The following BTD variants were observed in gnomAD, a reference collection of about 807,000 sequenced individuals.
BTD encodes biotinidase.
In BTD, 13 loss-of-function variants were observed where a neutral mutation model predicts 17.7. The observed-to-expected ratio is 0.74, with a 90% CI of 0.48 to 1.17. The LOEUF (loss-of-function observed/expected upper bound fraction) is 1.17. Ranked by LOEUF, BTD falls within the 50% of genes most tolerant of loss-of-function variation. The pLI, the probability that BTD is intolerant of heterozygous loss-of-function variation, is 0.00. For synonymous variants in BTD, 240 were observed against 245.2 expected (o/e 0.98, Z 0.20); for missense variants, 674 against 650.4 (o/e 1.04, Z -0.39).
At chr3:15,721,852 C>A (rs949297252) in exon 5 of BTD, among the ~76,000 whole-genome samples, 10 of 152,126 alleles carry the variant, frequency 6.6e-5, no homozygotes, top group Admixed American at 1.3e-4. Context: ...TCAAGTGATT[C>A]TCCTGCCTCA....
chr3:15,645,835 G>GT lies in BTD; in HGVS notation c.*347_*348insT, dbSNP rs2065681449. The GT allele has an allele frequency of 3.0e-5, 6 of 197,300 alleles. No individual in the cohort carries two copies. The highest frequency in any genetic ancestry group is 1.2e-4 in the South Asian group (1 of 8,340). 12.2% of individuals were successfully genotyped at this position (197,300 alleles called of 1,614,324 possible). On this transcript the variant is annotated 3_prime_UTR_variant, in exon 4 of 4. Coordinates refer to ENST00000643237, the MANE Select transcript of BTD (RefSeq NM_001370658.1). ...ACACATCCACAAAGCAGTGGCTTGG[G>GT]GTTTTTTTTTTTTTTTTTATCTTGT...
At chr3:15,677,925 G>C (rs911132016) in intron 3 of BTD, among the ~76,000 whole-genome samples, 2 of 152,002 alleles carry the variant, frequency 1.3e-5, no homozygotes, top group Non-Finnish European at 2.9e-5. Flanking sequence ...TGAGGCATAA[G>C]GTCATTTAGC....
At chr3:15,661,279 A>G (rs1330086107) in intron 3 of BTD, among the ~76,000 whole-genome samples, 1 of 148,578 alleles carries the variant, frequency 6.7e-6, no homozygotes, top group African/African-American at 2.5e-5. Flanking sequence ...AAAAAAAAAA[A>G]AAAAAAAAAA....
chr3:15,641,487 C>T (rs192532106), intron 2 of BTD, among the ~76,000 whole-genome samples: 3 of 152,214 alleles, frequency 2.0e-5, no homozygotes, highest in African/African-American at 7.2e-5. Flanking sequence ...AAGTTGACAA[C>T]CACCAGACTG....
chr3:15,695,140 G>A lies in BTD; in HGVS notation c.400-14920G>A, dbSNP rs573027270. ...AAACAGATAAACATAACTGGTAGGA[G>A]GGAACTGACCAATACTAATTGGTGG... On this transcript the variant is annotated intron_variant, in intron 3 of 3. Transcript: ENST00000672141. 8.0e-5 allele frequency: 116 copies of A among 1,453,898 alleles called. 2 individuals are homozygous for A. In the South Asian group the frequency reaches 1.3e-3, roughly 17 times the overall value. 90.1% of individuals were successfully genotyped at this position (1,453,898 alleles called of 1,614,324 possible).
intron 3 of BTD, chr3:15,675,823 A>G: frequency 8.0e-7 from 1 of 1,252,366 alleles, no homozygotes; most frequent in Non-Finnish European, 1.1e-6. Flanking sequence ...AAAATATCCA[A>G]GTTTATTTCT....
chr3:15,603,507 A>C (rs1559573227), intron 1 of BTD, among the ~76,000 whole-genome samples: 1 of 152,024 alleles, frequency 6.6e-6, no homozygotes, highest in Non-Finnish European at 1.5e-5. Context: ...AATACAAAAA[A>C]TTAGGCGGGC....
In BTD at chr3:15,648,683, C is replaced by T. The variant is rs936762833; in HGVS notation, c.*3195C>T. ...AATTGCGTCTTCCCCAAAAAAGATA[C>T]GTTGTAGTCCTAACCCCCAATAGCT... On this transcript the variant is annotated 3_prime_UTR_variant, in exon 4 of 4. Transcript: ENST00000643237. Among the ~76,000 whole-genome samples the T allele has an allele frequency of 2.6e-5, 4 of 152,178 alleles. No individual in the cohort carries two copies. Among genetic ancestry groups the T allele is most frequent in the Non-Finnish European group, 5.9e-5 (4 of 68,020 alleles).
chr3:15,621,662 C>T (rs1484968623), intron 1 of BTD, among the ~76,000 whole-genome samples: 3 of 151,702 alleles, frequency 2.0e-5, no homozygotes, highest in African/African-American at 4.8e-5. Context: ...TGCAATGGTG[C>T]GATCTTGGCT....
chr3:15,686,947 T>C (rs534912477), intron 3 of BTD, among the ~76,000 whole-genome samples: 58 of 100,854 alleles, frequency 5.8e-4, no homozygotes, highest in African/African-American at 3.1e-3. Context: ...CTGATATTGC[T>C]TTTTTTTTTT....
Position 15,693,194 on chromosome 3 carries a change from A to T in BTD, c.400-16866A>T, listed in dbSNP as rs528577924. Among the ~76,000 whole-genome samples, 65 of 152,322 alleles carry T rather than the reference A, an allele frequency of 4.3e-4. No individual in the cohort carries two copies. The South Asian group carries it at 0.013, about 32-fold the overall frequency. On this transcript the variant is annotated intron_variant, in intron 3 of 3. Transcript: ENST00000672141. The stretch of plus-strand genomic sequence containing the variant: ...GGAGATTGGTTGTACAGTAATGTAA[A>T]TATACTTAACACTGCTGAACTGTAC...
chr3:15,668,319 G>C (rs1244478306), intron 3 of BTD: 1 of 151,736 alleles, frequency 6.6e-6, no homozygotes, highest in Non-Finnish European at 1.5e-5. Flanking sequence ...AAAGGAAAGA[G>C]AAAGCACACA....
At chr3:15,707,866 T>C (rs751311190) in intron 3 of BTD, 115 of 1,566,530 alleles carry the variant, frequency 7.3e-5, no homozygotes, top group South Asian at 1.7e-4. Flanking sequence ...AACATCCATA[T>C]GGAAGATGCC....
chr3:15,700,167 T>C (rs1322562072), intron 3 of BTD, among the ~76,000 whole-genome samples: 2 of 152,134 alleles, frequency 1.3e-5, no homozygotes, highest in African/African-American at 2.4e-5. Context: ...TTCTCACTCA[T>C]ACGTGGGAGC....
At chr3:15,666,893 A>G (rs914278582) in intron 3 of BTD, among the ~76,000 whole-genome samples, 2 of 152,076 alleles carry the variant, frequency 1.3e-5, no homozygotes, top group South Asian at 2.1e-4. Flanking sequence ...TTCCCTCCCA[A>G]TGTGATCTTA....
intron 3 of BTD, among the ~76,000 whole-genome samples, chr3:15,664,458 A>T (rs2065957618): frequency 6.6e-6 from 1 of 152,244 alleles, no homozygotes; most frequent in African/African-American, 2.4e-5. Context: ...AACTAATCCA[A>T]GTTAAAACAT....
At position 15,653,045 on chromosome 3, in the gene BTD, C is replaced by T. The variant is rs1445875784; in HGVS notation, c.*7557C>T. Among the ~76,000 whole-genome samples the T allele has an allele frequency of 6.6e-6, 1 of 152,244 alleles. No homozygotes were observed. Reference sequence around the variant, plus strand: ...AAACCTCCTGCCCGCAGAATTTTGTCTAATCCACCCCAGACAGAGTTATCC... The same window carrying T: ...AAACCTCCTGCCCGCAGAATTTTGTTTAATCCACCCCAGACAGAGTTATCC... On this transcript the variant is annotated 3_prime_UTR_variant, in exon 4 of 4. Transcript: ENST00000643237.
At chr3:15,670,665 A>G in intron 3 of BTD, 1 of 1,121,962 alleles carries the variant, frequency 8.9e-7, no homozygotes, top group East Asian at 2.6e-5. Flanking sequence ...TACATTACTT[A>G]GCTTATAATA....
At chr3:15,704,281 C>A (rs1164292060) in intron 3 of BTD, among the ~76,000 whole-genome samples, 1 of 151,862 alleles carries the variant, frequency 6.6e-6, no homozygotes, top group East Asian at 1.9e-4. Context: ...GGGTAACAAG[C>A]AGAATGACTA....
Sources: allele counts gnomAD v4.1 joint callset (sites outside exome capture counted in the v4.1 genomes callset), GRCh38; gene constraint gnomAD v4.1.1; transcripts MANE v1.5; gene names NCBI Gene and HGNC (gene_info 2026-07-23, HGNC 2026-07-21).